TXNDC11: variants seen among roughly 807,000 people sequenced by gnomAD.
TXNDC11 encodes thioredoxin domain-containing protein 11.
Under a neutral mutation model 78.0 loss-of-function variants are expected in TXNDC11, and 68 were observed. The observed-to-expected ratio is 0.87, with a 90% CI of 0.72 to 1.07. The LOEUF (loss-of-function observed/expected upper bound fraction) is 1.07. Among genes scored for constraint, TXNDC11 ranks in the 50% least tolerant of loss-of-function variants. The probability of loss-of-function intolerance (pLI) is 0.00; values close to 1 mark genes in which losing one functional copy is unlikely to be tolerated. For missense variants in TXNDC11, 1,389 were observed against 1,221.8 expected, an observed-to-expected ratio of 1.14 and a Z score of -2.04; for synonymous variants, 571 against 495.2, an observed-to-expected ratio of 1.15 and a Z score of -2.03.
intron 3 of TXNDC11, 143 bp from the exon 4 acceptor site, chr16:11,730,917 CCTGCT>C: frequency 1.7e-6 from 1 of 590,430 alleles, no homozygotes; most frequent in African/African-American, 1.9e-5. Flanking sequence ...AGATCAGTAG[CCTGCT>C]TTGCTCAGGA....
chr16:11,728,135 A>AC (rs2051938548), intron 4 of TXNDC11, among the ~76,000 whole-genome samples: 1 of 152,146 alleles, frequency 6.6e-6, no homozygotes, highest in Admixed American at 6.5e-5. Context: ...AAATTCCTTA[A>AC]CTTTCCTAAT....
chr16:11,719,829 G>A lies in TXNDC11; in HGVS notation c.793+1748C>T, dbSNP rs77508449. ...TGTTAAGTGCTACAAAAAAACAACA[G>A]GGTACCCAAGTTAGACTGGGGTAGT... is the stretch of plus-strand genomic sequence containing the variant. On this transcript the variant is annotated intron_variant, in intron 5 of 11. Transcript: ENST00000283033. 1.9e-3 allele frequency among the ~76,000 whole-genome samples: 290 copies of A among 152,308 alleles called. 1 individual carries two copies. Among genetic ancestry groups the A allele is most frequent in the African/African-American group, 6.5e-3 (271 of 41,566 alleles).
At chr16:11,737,940 T>C (rs1335732779) in intron 1 of TXNDC11, among the ~76,000 whole-genome samples, 1 of 149,482 alleles carries the variant, frequency 6.7e-6, no homozygotes, top group Non-Finnish European at 1.5e-5. Flanking sequence ...TTATGCACTA[T>C]CTAAACGAGA....
intron 5 of TXNDC11, among the ~76,000 whole-genome samples, chr16:11,712,325 C>G (rs779617240): frequency 1.4e-4 from 21 of 152,110 alleles, no homozygotes; most frequent in Non-Finnish European, 2.9e-4. Context: ...ATCAACCTTC[C>G]ACTCTGCATG....
At chr16:11,713,110 G>GAAAA (rs35333554) in intron 5 of TXNDC11, among the ~76,000 whole-genome samples, 1 of 111,816 alleles carries the variant, frequency 8.9e-6, no homozygotes, top group Non-Finnish European at 1.8e-5. Flanking sequence ...TCTGTCTCAG[G>GAAAA]AAAAAAAAAA....
chr16:11,733,114 G>A (rs559969202), intron 3 of TXNDC11, among the ~76,000 whole-genome samples: 30 of 152,060 alleles, frequency 2.0e-4, no homozygotes, highest in Middle Eastern at 3.4e-3. Flanking sequence ...AAAATTAGCC[G>A]GGCGTGGTGG....
Position 11,691,521 on chromosome 16 carries a change from A to G in TXNDC11, c.1669T>C (p.Tyr557His). 1.2e-6 allele frequency: 2 copies of G among 1,614,152 alleles called. No individual in the cohort carries two copies. The highest frequency in any genetic ancestry group is 1.7e-6 in the Non-Finnish European group (2 of 1,180,012). Residue 557 changes from tyrosine (Y) to histidine (H), a missense_variant, in exon 8 of 12, where the codon TAT becomes CAT. Physicochemically the swap from Tyr to His is moderately conservative, Grantham distance 83 (BLOSUM62 2). Coordinates refer to ENST00000283033, the MANE Select transcript of TXNDC11 (RefSeq NM_015914.7). ...SSVPHIEENR[Y>H]LFPEVDMTST... is the part of the protein sequence containing the mutation. ...GTCATGTCCACTTCTGGAAAGAGAT[A>G]CCTGTTCTCCTCAATGTGAGGAACG...
chr16:11,730,710 C>A lies in TXNDC11; in HGVS notation c.634G>T (p.Val212Leu), dbSNP rs142300268. 6.2e-7 allele frequency: 1 copy of A among 1,613,694 alleles called. No homozygotes were observed. The highest frequency in any genetic ancestry group is 1.1e-5 in the South Asian group (1 of 91,060). The change falls in exon 4 of 12, where the codon GTG (valine) becomes TTG (leucine). Residue 212 changes from valine to leucine, a missense_variant. Transcript: ENST00000283033. ...AVYIEKFVRR[V>L]MKPLLYIPSQ... ...GGGATGTAGAGAAGTGGTTTCATCA[C>A]CCGGCGGACAAACTTCTCAATGTAA...
Position 11,720,416 on chromosome 16 carries a change from A to ATT in TXNDC11, c.793+1159_793+1160dup, listed in dbSNP as rs35998980. Among the ~76,000 whole-genome samples, 181 of 140,688 alleles carry ATT rather than the reference A, an allele frequency of 1.3e-3. 1 individual carries two copies. The highest frequency in any genetic ancestry group is 7.4e-3 in the Middle Eastern group (2 of 272). The allele number at this position is 140,688 out of a possible 152,430, so 92.3% of individuals were successfully genotyped here. A position where few individuals can be genotyped will look rare whatever the true frequency, so the allele number is the denominator to read the frequency against. On this transcript the variant is annotated intron_variant, in intron 5 of 11. Transcript: ENST00000283033. ...CACAAAAAAAGATTATGATGTAATA[A>ATT]TTTTTTTTTTTTTTTTTGAGACAGA...
At chr16:11,706,485 T>C (rs1220630410) in intron 5 of TXNDC11, among the ~76,000 whole-genome samples, 1 of 152,272 alleles carries the variant, frequency 6.6e-6, no homozygotes, top group Non-Finnish European at 1.5e-5. Context: ...AGCACTATTA[T>C]GCTGATGCTA....
At chr16:11,681,772 G>C (rs1260916600) in intron 11 of TXNDC11, among the ~76,000 whole-genome samples, 1 of 152,206 alleles carries the variant, frequency 6.6e-6, no homozygotes, top group Non-Finnish European at 1.5e-5. Context: ...CTGCTCGGTG[G>C]AGCAAGTGGC....
At chr16:11,726,141 G>A (rs1412591365) in intron 4 of TXNDC11, among the ~76,000 whole-genome samples, 1 of 152,118 alleles carries the variant, frequency 6.6e-6, no homozygotes, top group African/African-American at 2.4e-5. Context: ...GGCCTCCCAA[G>A]TGCTGGGGTT....
intron 4 of TXNDC11, among the ~76,000 whole-genome samples, chr16:11,725,583 T>A (rs370409811): frequency 3.3e-5 from 5 of 152,190 alleles, no homozygotes; most frequent in East Asian, 1.9e-4. Context: ...CCAGTCTCCA[T>A]GTAGGTAAAT....
At chr16:11,736,791 C>G (rs1567353764) in intron 1 of TXNDC11, among the ~76,000 whole-genome samples, 1 of 152,132 alleles carries the variant, frequency 6.6e-6, no homozygotes, top group Non-Finnish European at 1.5e-5. Context: ...ATATCATAAT[C>G]CTAAGACTAA....
At chr16:11,742,361 G>C in intron 1 of TXNDC11, 116 bp downstream of exon 1, 1 of 838,428 alleles carries the variant, frequency 1.2e-6, no homozygotes, top group Non-Finnish European at 1.6e-6. Flanking sequence ...CAGCCGTCCT[G>C]GGCAAGGTCA....
At chr16:11,692,918 C>T (rs1207999707) in intron 7 of TXNDC11, among the ~76,000 whole-genome samples, 1 of 152,172 alleles carries the variant, frequency 6.6e-6, no homozygotes, top group Non-Finnish European at 1.5e-5. Flanking sequence ...CCGGCTCCTC[C>T]ATCTGTTCCC....
At chr16:11,704,915 CTT>C (rs60887025) in intron 5 of TXNDC11, among the ~76,000 whole-genome samples, 2 of 147,136 alleles carry the variant, frequency 1.4e-5, no homozygotes. Context: ...CTTTTTCTTT[CTT>C]TTTTTTTTTT....
chr16:11,695,563 T>C (rs2050836712), intron 7 of TXNDC11, among the ~76,000 whole-genome samples: 1 of 152,210 alleles, frequency 6.6e-6, no homozygotes, highest in Admixed American at 6.5e-5. Context: ...CCCAAAGGCT[T>C]CTTCATCTCT....
intron 10 of TXNDC11, among the ~76,000 whole-genome samples, chr16:11,686,105 C>T (rs1462491566): frequency 1.3e-5 from 2 of 152,136 alleles, no homozygotes; most frequent in Non-Finnish European, 2.9e-5. Context: ...ACTACAGGCA[C>T]GTGCCGCCAC....
Sources: gnomAD v4.1 joint callset for allele counts (sites outside exome capture counted in the v4.1 genomes callset) on GRCh38, gnomAD v4.1.1 for gene constraint, MANE v1.5 for transcripts, NCBI Gene and HGNC (gene_info 2026-07-23, HGNC 2026-07-21) for gene names.